The following SEMA6D variants were observed in gnomAD, a reference collection of about 807,000 sequenced individuals.
The protein encoded by SEMA6D is semaphorin-6D.
In SEMA6D, 35 loss-of-function variants were observed where a neutral mutation model predicts 106.6. The ratio of observed to expected loss-of-function variants is 0.33; its 90% CI spans 0.25 to 0.44. SEMA6D has a LOEUF of 0.44. Among genes scored for constraint, SEMA6D ranks in the 20% least tolerant of loss-of-function variants. The probability of loss-of-function intolerance (pLI) is 1.00; values close to 1 mark genes in which losing one functional copy is unlikely to be tolerated. For missense variants in SEMA6D, 1,185 were observed against 1,345.9 expected, an observed-to-expected ratio of 0.88 and a Z score of 1.87; for synonymous variants, 499 against 487.7, an observed-to-expected ratio of 1.02 and a Z score of -0.31.
At chr15:47,494,782 A>G (rs1254512295) in intron 3 of SEMA6D, among the ~76,000 whole-genome samples, 1 of 99,458 alleles carries the variant, frequency 1.0e-5, no homozygotes, top group South Asian at 3.1e-4. Flanking sequence ...ATATATATAT[A>G]TATATATAAT....
At chr15:47,520,187 T>A (rs905272970) in intron 3 of SEMA6D, among the ~76,000 whole-genome samples, 1 of 152,212 alleles carries the variant, frequency 6.6e-6, no homozygotes, top group Non-Finnish European at 1.5e-5. Context: ...CACTGGCTGA[T>A]ACAAAATCAA....
chr15:47,339,426 T>C (rs2037718224), intron 1 of SEMA6D, among the ~76,000 whole-genome samples: 1 of 152,172 alleles, frequency 6.6e-6, no homozygotes, highest in South Asian at 2.1e-4. Flanking sequence ...AGATACCCAC[T>C]TGGTGTAGAG....
At chr15:47,375,145 T>G (rs2039405830) in intron 1 of SEMA6D, among the ~76,000 whole-genome samples, 1 of 152,216 alleles carries the variant, frequency 6.6e-6, no homozygotes, top group Non-Finnish European at 1.5e-5. Flanking sequence ...TTTAAGAGAT[T>G]AGACATCTCC....
intron 2 of SEMA6D, among the ~76,000 whole-genome samples, chr15:47,454,342 G>T (rs1361668998): frequency 6.6e-6 from 1 of 151,838 alleles, no homozygotes; most frequent in Non-Finnish European, 1.5e-5. Context: ...TTGTCATTTT[G>T]ATGTTCCCCA....
intron 3 of SEMA6D, among the ~76,000 whole-genome samples, chr15:47,571,904 T>A (rs2046395833): frequency 1.3e-5 from 2 of 152,144 alleles, no homozygotes; most frequent in Admixed American, 6.5e-5. Context: ...AAAGAGATGA[T>A]TTTTTCTTCT....
intron 1 of SEMA6D, among the ~76,000 whole-genome samples, chr15:47,350,025 A>G (rs1392006744): frequency 1.3e-5 from 2 of 152,194 alleles, no homozygotes; most frequent in Non-Finnish European, 1.5e-5. Context: ...AGCATAATAC[A>G]AGAGTATTTC....
intron 1 of SEMA6D, among the ~76,000 whole-genome samples, chr15:47,231,248 A>C (rs1488713875): frequency 6.6e-6 from 1 of 151,966 alleles, no homozygotes; most frequent in East Asian, 1.9e-4. Context: ...TGTCACTCAC[A>C]TAAATGAGCC....
At position 47,623,451 on chromosome 15, in the gene SEMA6D, T is replaced by C. The variant is rs181456124; in HGVS notation, c.-55+22555T>C. On this transcript the variant is annotated intron_variant, in intron 4 of 19. Transcript: ENST00000558014. ...AGGTAAGGCAACTGATACAAAATAA[T>C]GTTTGTTGTCAGTAGTAAAATTTAT... is the stretch of plus-strand genomic sequence containing the variant. Among the ~76,000 whole-genome samples, 19 of 152,328 alleles carry C rather than the reference T, an allele frequency of 1.2e-4. No individual in the cohort carries two copies. The East Asian group carries it at 3.7e-3, about 29-fold the overall frequency.
intron 1 of SEMA6D, among the ~76,000 whole-genome samples, chr15:47,369,496 T>C (rs1439120744): frequency 6.6e-6 from 1 of 152,240 alleles, no homozygotes; most frequent in East Asian, 1.9e-4. Context: ...TGAATCCCAA[T>C]CTGTTATCAA....
At chr15:47,569,285 A>G (rs1410078926) in intron 3 of SEMA6D, among the ~76,000 whole-genome samples, 1 of 152,096 alleles carries the variant, frequency 6.6e-6, no homozygotes, top group Non-Finnish European at 1.5e-5. Context: ...TGGGTAATTC[A>G]GTATCTGTTA....
intron 2 of SEMA6D, among the ~76,000 whole-genome samples, chr15:47,450,995 G>A (rs1445667672): frequency 6.6e-6 from 1 of 152,008 alleles, no homozygotes; most frequent in Non-Finnish European, 1.5e-5. Flanking sequence ...CCAATCCAGG[G>A]AAGAACAAAG....
Position 47,521,851 on chromosome 15 carries a change from G to T in SEMA6D, c.-87+51306G>T, listed in dbSNP as rs184086966. Among the ~76,000 whole-genome samples, 837 of 152,228 alleles carry T rather than the reference G, an allele frequency of 5.5e-3. 6 individuals are homozygous for T. Among genetic ancestry groups the T allele is most frequent in the Admixed American group, 0.014 (221 of 15,286 alleles). On this transcript the variant is annotated intron_variant, in intron 3 of 19. Coordinates refer to the SEMA6D transcript ENST00000558014. ...ATACAAAAACTTAGCCGGGCATGGT[G>T]GTGGGCGCCTGTAGTCCCAGCTACT...
At chr15:47,273,233 C>G (rs944503689) in intron 1 of SEMA6D, among the ~76,000 whole-genome samples, 1 of 134,004 alleles carries the variant, frequency 7.5e-6, no homozygotes, top group Admixed American at 8.0e-5. Flanking sequence ...GAAGTGGGAG[C>G]CTTCTTTTGT....
chr15:47,464,412 C>T (rs1049221491), intron 2 of SEMA6D, among the ~76,000 whole-genome samples: 42 of 152,108 alleles, frequency 2.8e-4, no homozygotes, highest in African/African-American at 1.0e-3. Context: ...GGCACCCATC[C>T]TGCTTCAGGT....
At chr15:47,264,851 T>C (rs2034244041) in intron 1 of SEMA6D, among the ~76,000 whole-genome samples, 1 of 152,140 alleles carries the variant, frequency 6.6e-6, no homozygotes. Context: ...AAATACTTTT[T>C]CTGTGATTTT....
At chr15:47,411,255 C>T (rs1022029464) in intron 1 of SEMA6D, among the ~76,000 whole-genome samples, 25 of 152,026 alleles carry the variant, frequency 1.6e-4, no homozygotes, top group Non-Finnish European at 2.8e-4. Flanking sequence ...GCCACCACGC[C>T]CGGCTAATTT....
chr15:47,352,159 TA>T (rs1411435225), intron 1 of SEMA6D, among the ~76,000 whole-genome samples: 1 of 152,200 alleles, frequency 6.6e-6, no homozygotes, highest in Non-Finnish European at 1.5e-5. Flanking sequence ...CAATGACTAC[TA>T]AAAATGATAT....
chr15:47,641,116 C>T lies in SEMA6D; in HGVS notation c.-55+40220C>T, dbSNP rs188322365. The stretch of plus-strand genomic sequence containing the variant: ...CCATTTCCCCACTGCTGCTTCCGCC[C>T]GAGGGCTGCCGCAGTATCCATTCCT... On this transcript the variant is annotated intron_variant, in intron 4 of 19. Coordinates refer to the SEMA6D transcript ENST00000558014. Among the ~76,000 whole-genome samples the T allele has an allele frequency of 2.7e-3, 404 of 152,236 alleles. 3 individuals are homozygous for T. Among genetic ancestry groups the T allele is most frequent in the Middle Eastern group, 6.8e-3 (2 of 294 alleles).
chr15:47,574,403 T>C (rs28688561), intron 3 of SEMA6D, among the ~76,000 whole-genome samples: 162 of 152,314 alleles, frequency 1.1e-3, no homozygotes, highest in African/African-American at 3.8e-3. Flanking sequence ...CTGAATTGTT[T>C]CTCCCATTTG....
Sources: allele counts gnomAD v4.1 joint callset (sites outside exome capture counted in the v4.1 genomes callset), GRCh38; gene constraint gnomAD v4.1.1; transcripts MANE v1.5; gene names NCBI Gene and HGNC (gene_info 2026-07-23, HGNC 2026-07-21).